CDH11: variants seen among roughly 807,000 people sequenced by gnomAD.
CDH11 encodes cadherin-11.
Under a neutral mutation model 67.8 loss-of-function variants are expected in CDH11, and 11 were observed. The observed-to-expected ratio is 0.16, with a 90% CI of 0.10 to 0.27. The LOEUF (loss-of-function observed/expected upper bound fraction) is 0.27. CDH11 is among the 10% of genes least tolerant of loss of function. The probability of loss-of-function intolerance (pLI) is 1.00; values close to 1 mark genes in which losing one functional copy is unlikely to be tolerated. For missense variants in CDH11, 847 were observed against 1,031.2 expected (o/e 0.82, Z 2.45); for synonymous variants, 419 against 400.0 (o/e 1.05, Z -0.57).
Position 64,945,301 on chromosome 16 carries a change from TAAAAAAAA to T in CDH11, c.*2294_*2301del, listed in dbSNP as rs3046001. The T allele has an allele frequency of 4.1e-5, 16 of 388,332 alleles. No individual in the cohort carries two copies. Among genetic ancestry groups the T allele is most frequent in the Non-Finnish European group, 5.5e-5 (16 of 289,982 alleles). The allele number at this position is 388,332 out of a possible 1,614,324, so 24.1% of individuals were successfully genotyped here. ...AGAGGCTTAACGAAAAAATAAAAGG[TAAAAAAAA>T]AAAAAAAAAAGAAAAAGAAAAACAA... On this transcript the variant is annotated 3_prime_UTR_variant, in exon 13 of 13. Transcript: ENST00000268603.
At chr16:64,991,031 T>A (rs2072616894) in intron 6 of CDH11, among the ~76,000 whole-genome samples, 1 of 152,180 alleles carries the variant, frequency 6.6e-6, no homozygotes, top group Admixed American at 6.6e-5. Flanking sequence ...TCCCCTTAGA[T>A]TTGTGAGCCT....
chr16:65,055,144 A>T (rs900542787), intron 1 of CDH11, among the ~76,000 whole-genome samples: 1 of 152,212 alleles, frequency 6.6e-6, no homozygotes, highest in Non-Finnish European at 1.5e-5. Context: ...CAGTTCACAC[A>T]ATGCATAACG....
intron 1 of CDH11, among the ~76,000 whole-genome samples, chr16:65,110,626 G>A (rs1393091985): frequency 5.0e-4 from 2 of 3,998 alleles, no homozygotes; most frequent in African/African-American, 1.2e-3. Context: ...GGCCAATGAT[G>A]TGTGTGTGTG....
intron 2 of CDH11, among the ~76,000 whole-genome samples, chr16:65,041,154 G>A (rs1264020688): frequency 1.3e-5 from 2 of 152,192 alleles, no homozygotes; most frequent in Non-Finnish European, 2.9e-5. Flanking sequence ...ATTGACACCT[G>A]ACATCTTCCT....
intron 11 of CDH11, among the ~76,000 whole-genome samples, chr16:64,964,861 A>AGG (rs1252687406): frequency 9.9e-4 from 150 of 152,068 alleles, no homozygotes; most frequent in African/African-American, 3.4e-3. Context: ...TAGACTTTAT[A>AGG]AACACTGTAC....
Position 65,121,979 on chromosome 16 carries a change from C to T in CDH11, c.-397G>A. 2 of 701,412 alleles carry T rather than the reference C, an allele frequency of 2.9e-6. No homozygotes were observed. Among genetic ancestry groups the T allele is most frequent in the Non-Finnish European group, 5.2e-6 (2 of 384,338 alleles). The allele number at this position is 701,412 out of a possible 1,614,324, so 43.4% of individuals were successfully genotyped here. Reference sequence around the variant, plus strand: ...CCGGCCCCAGTCCCGGTCCCATTCACAAGTCAGCGGCGGCTGCGAGCGGCC... The same window carrying T: ...CCGGCCCCAGTCCCGGTCCCATTCATAAGTCAGCGGCGGCTGCGAGCGGCC... On this transcript the variant is annotated 5_prime_UTR_variant, in exon 1 of 13. It adds an upstream start codon to the 5' untranslated region. Coordinates refer to ENST00000268603, the MANE Select transcript of CDH11 (RefSeq NM_001797.4). This position sits in a 1 kb window ranked among gnomAD's most constrained non-coding sequence, Gnocchi z 4.1.
intron 2 of CDH11, among the ~76,000 whole-genome samples, chr16:65,038,972 C>T (rs1418471850): frequency 6.6e-6 from 1 of 152,176 alleles, no homozygotes; most frequent in African/African-American, 2.4e-5. Context: ...ATTGTTGCCA[C>T]TCATATTCTT....
intron 1 of CDH11, among the ~76,000 whole-genome samples, chr16:65,084,583 T>TG (rs1401075059): frequency 2.0e-5 from 3 of 152,146 alleles, no homozygotes; most frequent in Non-Finnish European, 4.4e-5. Flanking sequence ...ATCATATAAG[T>TG]GAGAATAGTC....
intron 6 of CDH11, chr16:64,991,498 A>G (rs1232916030): frequency 2.5e-6 from 1 of 403,434 alleles, no homozygotes; most frequent in African/African-American, 2.0e-5. Context: ...CATCACTACT[A>G]CCAAGCAAAA....
At chr16:65,048,145 A>G (rs2073995402) in intron 2 of CDH11, among the ~76,000 whole-genome samples, 1 of 152,218 alleles carries the variant, frequency 6.6e-6, no homozygotes, top group South Asian at 2.1e-4. Context: ...AAACACATCC[A>G]GAGTCTTTTC....
At chr16:64,967,897 T>C (rs1307906232) in intron 11 of CDH11, among the ~76,000 whole-genome samples, 1 of 152,226 alleles carries the variant, frequency 6.6e-6, no homozygotes, top group African/African-American at 2.4e-5. Context: ...ACTACAATTA[T>C]TATGGCTGTG....
chr16:65,110,945 T>C (rs1161588418), intron 1 of CDH11, among the ~76,000 whole-genome samples: 1 of 152,034 alleles, frequency 6.6e-6, no homozygotes, highest in Non-Finnish European at 1.5e-5. Flanking sequence ...TCTTCCATGG[T>C]TTTGAATCAC....
At chr16:64,978,096 C>T (rs900034133) in intron 8 of CDH11, among the ~76,000 whole-genome samples, 3 of 152,092 alleles carry the variant, frequency 2.0e-5, no homozygotes, top group Non-Finnish European at 4.4e-5. Flanking sequence ...ATATTGGGAA[C>T]CCCCAGTGTG....
chr16:65,066,018 G>T (rs1030797037), intron 1 of CDH11, among the ~76,000 whole-genome samples: 1 of 152,188 alleles, frequency 6.6e-6, no homozygotes, highest in Admixed American at 6.5e-5. Context: ...GCAGTCTGAC[G>T]CCAGAGCGTC....
rs1415382363 is a variant in CDH11, at chr16:64,947,540, AC to A, written c.*62del. 8.5e-6 allele frequency: 13 copies of A among 1,534,422 alleles called. No individual in the cohort carries two copies. In the African/African-American group the frequency reaches 1.8e-4, roughly 21 times the overall value. On this transcript the variant is annotated 3_prime_UTR_variant, in exon 13 of 13. Coordinates refer to ENST00000268603, the MANE Select transcript of CDH11 (RefSeq NM_001797.4). ...TTGATTTAAAAAAATACCTGTTTAC[AC>A]ATCTTCTAGATTCTTGAGAACGCCA...
chr16:64,962,489 C>A (rs970919311), intron 11 of CDH11, among the ~76,000 whole-genome samples: 15 of 152,122 alleles, frequency 9.9e-5, no homozygotes, highest in African/African-American at 3.1e-4. Flanking sequence ...AAAACCTGAA[C>A]TGTAATTGAC....
At chr16:64,996,757 G>C (rs1325474989) in intron 4 of CDH11, among the ~76,000 whole-genome samples, 4 of 152,154 alleles carry the variant, frequency 2.6e-5, no homozygotes, top group Admixed American at 6.5e-5. Context: ...GATGCAGCTG[G>C]AGGCCATTAT....
chr16:65,016,927 T>C (rs1478425883), intron 2 of CDH11, among the ~76,000 whole-genome samples: 2 of 152,200 alleles, frequency 1.3e-5, no homozygotes, highest in East Asian at 1.9e-4. Flanking sequence ...TTCCCCTTTA[T>C]AGACCATATA....
chr16:65,081,304 C>T (rs2074605395), intron 1 of CDH11, among the ~76,000 whole-genome samples: 2 of 152,172 alleles, frequency 1.3e-5, no homozygotes, highest in Admixed American at 1.3e-4. Flanking sequence ...CGCTGGGGCT[C>T]ACGCCTGTAA....
Sources: gnomAD v4.1 joint callset for allele counts (sites outside exome capture counted in the v4.1 genomes callset) on GRCh38, gnomAD v4.1.1 for gene constraint, Gnocchi (gnomAD v3.1) non-coding constraint, MANE v1.5 for transcripts, NCBI Gene and HGNC (gene_info 2026-07-23, HGNC 2026-07-21) for gene names.